The following DOCK4 variants were observed in gnomAD, a reference collection of about 807,000 sequenced individuals.
DOCK4 encodes the protein dedicator of cytokinesis protein 4.
DOCK4 carries 97 observed loss-of-function variants against 268.1 expected under a neutral mutation model. That is an observed-to-expected ratio of 0.36 (90% CI 0.31 to 0.43). The LOEUF is 0.43. Among genes scored for constraint, DOCK4 ranks in the 20% least tolerant of loss-of-function variants. DOCK4 has a pLI of 1.00. For synonymous variants in DOCK4, 954 were observed against 887.2 expected, an observed-to-expected ratio of 1.08 and a Z score of -1.34; for missense variants, 2,145 against 2,455.7, an observed-to-expected ratio of 0.87 and a Z score of 2.67.
At chr7:111,876,983 C>T (rs751077470) in intron 17 of DOCK4, 47 bp downstream of exon 17, 1 of 1,325,596 alleles carries the variant, frequency 7.5e-7, no homozygotes, top group South Asian at 2.5e-5. Flanking sequence ...CCAAAATATA[C>T]ATGATTATTA....
chr7:111,945,658 A>C (rs1795560006), intron 9 of DOCK4, 59 bp downstream of exon 9: 2 of 1,389,136 alleles, frequency 1.4e-6, no homozygotes, highest in Non-Finnish European at 2.0e-6. Flanking sequence ...TATTTCTCCT[A>C]AATAGTATGA....
chr7:111,926,989 T>C (rs1793768540), intron 12 of DOCK4, among the ~76,000 whole-genome samples: 1 of 152,224 alleles, frequency 6.6e-6, no homozygotes, highest in East Asian at 1.9e-4. Flanking sequence ...CCTTGGTTTC[T>C]GAGTTTTAGC....
At chr7:111,910,582 T>C (rs1253019818) in intron 13 of DOCK4, among the ~76,000 whole-genome samples, 1 of 152,242 alleles carries the variant, frequency 6.6e-6, no homozygotes, top group Non-Finnish European at 1.5e-5. Flanking sequence ...ACATATATGG[T>C]TAAAACTAAT....
intron 30 of DOCK4, among the ~76,000 whole-genome samples, chr7:111,793,388 T>G (rs1198686245): frequency 6.6e-6 from 1 of 152,234 alleles, no homozygotes; most frequent in Non-Finnish European, 1.5e-5. Flanking sequence ...TGGTTTGAAT[T>G]TTTAAGTATT....
At chr7:111,965,123 A>C (rs1357099283) in intron 8 of DOCK4, among the ~76,000 whole-genome samples, 2 of 96,822 alleles carry the variant, frequency 2.1e-5, no homozygotes, top group Non-Finnish European at 3.7e-5. Context: ...AAAGACCATC[A>C]AGACTAGGAA....
intron 1 of DOCK4, among the ~76,000 whole-genome samples, chr7:112,122,338 C>T (rs531669084): frequency 1.8e-4 from 27 of 152,272 alleles, no homozygotes; most frequent in Middle Eastern, 6.8e-3. Flanking sequence ...CTCTGTCCCC[C>T]CAACCTCTAG....
chr7:111,937,529 C>T (rs930660546), intron 11 of DOCK4, among the ~76,000 whole-genome samples: 25 of 152,134 alleles, frequency 1.6e-4, no homozygotes, highest in African/African-American at 4.6e-4. Flanking sequence ...GGTCTTATTC[C>T]GCTGGCTGCC....
At chr7:111,989,472 C>T (rs1039127874) in intron 5 of DOCK4, among the ~76,000 whole-genome samples, 2 of 152,232 alleles carry the variant, frequency 1.3e-5, no homozygotes, top group Admixed American at 1.3e-4. Context: ...GAAGACTCGG[C>T]TTGACTTCCA....
At chr7:111,811,192 T>C (rs1487965886) in intron 28 of DOCK4, among the ~76,000 whole-genome samples, 2 of 152,206 alleles carry the variant, frequency 1.3e-5, no homozygotes, top group African/African-American at 4.8e-5. Flanking sequence ...ATTCCTTTTT[T>C]ATTGTATTTG....
rs959932502 is a variant in DOCK4 at position 111,784,102 on chromosome 7, A to G, written c.3423T>C (p.Tyr1141=). The change falls in exon 33 of 53, where the codon TAT becomes TAC. Residue 1141 remains tyrosine (Y), a synonymous_variant. Coordinates refer to ENST00000428084, the MANE Select transcript of DOCK4 (RefSeq NM_001363540.2). The part of the protein sequence containing the change: ...FNSIIPLFGP[Y]PSLLKKIERE... ...ATTTGCAAACAATGTCTTACCTAGGATAGGGACCAAATAGTGGAATTCTAA... is the reference window on the plus strand; with the variant it reads ...ATTTGCAAACAATGTCTTACCTAGGGTAGGGACCAAATAGTGGAATTCTAA... 1.3e-6 allele frequency: 2 copies of G among 1,579,868 alleles called. No individual in the cohort carries two copies. The highest frequency in any genetic ancestry group is 1.8e-5 in the Admixed American group (1 of 57,060).
At chr7:112,204,275 A>T (rs1470324333) in intron 1 of DOCK4, among the ~76,000 whole-genome samples, 3 of 152,170 alleles carry the variant, frequency 2.0e-5, no homozygotes, top group African/African-American at 7.2e-5. Flanking sequence ...AAATCAAGAA[A>T]ATAAATCCCA....
intron 12 of DOCK4, among the ~76,000 whole-genome samples, chr7:111,929,216 T>C (rs534708417): frequency 1.3e-5 from 2 of 152,308 alleles, no homozygotes; most frequent in African/African-American, 4.8e-5. Context: ...GGCTCTGATA[T>C]AATCCTTAAG....
intron 1 of DOCK4, among the ~76,000 whole-genome samples, chr7:112,094,042 G>T (rs538932976): frequency 1.4e-4 from 21 of 151,934 alleles, no homozygotes; most frequent in Non-Finnish European, 2.2e-4. Flanking sequence ...CTAAAATAAT[G>T]GCAGCTGATT....
intron 1 of DOCK4, among the ~76,000 whole-genome samples, chr7:112,016,022 A>G (rs1562994861): frequency 6.6e-6 from 1 of 152,206 alleles, no homozygotes; most frequent in African/African-American, 2.4e-5. Context: ...CTGAGTTTTT[A>G]AAAGGATTAC....
At position 111,905,044 on chromosome 7, in the gene DOCK4, G is replaced by A. The variant is rs370837087; in HGVS notation, c.1193-3243C>T. Among the ~76,000 whole-genome samples, 12 of 152,276 alleles carry A rather than the reference G, an allele frequency of 7.9e-5. No homozygotes were observed. The South Asian group carries it at 1.5e-3, about 18-fold the overall frequency. ...GACAAGAAGAACACTTCTCCTGGAC[G>A]ACATTCTCCATGTGCCTCTCCCCAG... is the stretch of plus-strand genomic sequence containing the variant. On this transcript the variant is annotated intron_variant, in intron 13 of 52. Transcript: ENST00000428084.
chr7:112,167,754 C>T (rs1044193109), intron 1 of DOCK4, among the ~76,000 whole-genome samples: 3 of 152,188 alleles, frequency 2.0e-5, no homozygotes, highest in Non-Finnish European at 2.9e-5. Context: ...TCAGTACATG[C>T]CTTGATTGTT....
At chr7:111,942,244 CT>C (rs1025932036) in intron 10 of DOCK4, among the ~76,000 whole-genome samples, 7 of 151,466 alleles carry the variant, frequency 4.6e-5, no homozygotes, top group East Asian at 1.9e-4. Flanking sequence ...ATTAATTTCT[CT>C]TTTTTTTTCC....
Position 112,107,145 on chromosome 7 carries a change from C to T in DOCK4, c.37+98957G>A, listed in dbSNP as rs1037380575. On this transcript the variant is annotated intron_variant, in intron 1 of 52. Coordinates refer to ENST00000428084, the MANE Select transcript of DOCK4 (RefSeq NM_001363540.2). Reference sequence around the variant, plus strand: ...CTGTATAAGGCTCTGCCTTCAAATACCTCACAATCTAATGGGGGAAAGGAA... The same window carrying T: ...CTGTATAAGGCTCTGCCTTCAAATATCTCACAATCTAATGGGGGAAAGGAA... 2.0e-5 allele frequency among the ~76,000 whole-genome samples: 3 copies of T among 152,094 alleles called. No homozygotes were observed. The South Asian group carries it at 6.2e-4, about 32-fold the overall frequency.
At chr7:112,202,526 A>AGGTGTAATTTGTTAATAGCCTGAT (rs1821035522) in intron 1 of DOCK4, among the ~76,000 whole-genome samples, 1 of 152,020 alleles carries the variant, frequency 6.6e-6, no homozygotes, top group Non-Finnish European at 1.5e-5. Context: ...TAATAGCCTG[A>AGGTGTAATTTGTTAATAGCCTGAT]TTAATCACTC....
Sources: gnomAD v4.1 joint callset for allele counts (sites outside exome capture counted in the v4.1 genomes callset) on GRCh38, gnomAD v4.1.1 for gene constraint, MANE v1.5 for transcripts, NCBI Gene and HGNC (gene_info 2026-07-23, HGNC 2026-07-21) for gene names.